Variants in GALNT18 observed in about 807,000 individuals in gnomAD.
GALNT18 encodes GalNAc-transferase 18.
Under a neutral mutation model 69.5 loss-of-function variants are expected in GALNT18, and 44 were observed. That is an observed-to-expected ratio of 0.63 (90% CI 0.50 to 0.81). The LOEUF (loss-of-function observed/expected upper bound fraction) is 0.81. Among genes scored for constraint, GALNT18 ranks in the 40% least tolerant of loss-of-function variants. The probability of loss-of-function intolerance (pLI) is 0.00; values close to 1 mark genes in which losing one functional copy is unlikely to be tolerated. For missense variants in GALNT18, 715 were observed against 810.0 expected (o/e 0.88, Z 1.42); for synonymous variants, 364 against 318.2 (o/e 1.14, Z -1.53).
intron 7 of GALNT18, among the ~76,000 whole-genome samples, chr11:11,334,306 GCC>G: frequency 6.6e-6 from 1 of 152,156 alleles, no homozygotes; most frequent in Non-Finnish European, 1.5e-5. Context: ...ACTTTGGGAG[GCC>G]AAGTCAGGCG....
chr11:11,364,596 A>G (rs964360668), intron 6 of GALNT18, among the ~76,000 whole-genome samples: 7 of 152,236 alleles, frequency 4.6e-5, no homozygotes. Flanking sequence ...TAGATTATGG[A>G]GACTGGAAAG....
intron 10 of GALNT18, among the ~76,000 whole-genome samples, chr11:11,273,374 T>A (rs1438235268): frequency 6.6e-6 from 1 of 151,996 alleles, no homozygotes; most frequent in Non-Finnish European, 1.5e-5. Context: ...AAAATCCAAT[T>A]AAAAAATGGG....
Position 11,444,309 on chromosome 11 carries a change from T to C in GALNT18, c.428+4435A>G, listed in dbSNP as rs1855598172. On this transcript the variant is annotated intron_variant, in intron 2 of 10. Transcript: ENST00000227756. This position sits in a 1 kb window ranked among gnomAD's most constrained non-coding sequence, Gnocchi z 4.4. ...CAGAGGGACAGTGCTTCTGTGACCA[T>C]CACATCCAGGCCACTGCCTTACTAA... is the stretch of plus-strand genomic sequence containing the variant. Among the ~76,000 whole-genome samples the C allele has an allele frequency of 6.6e-6, 1 of 152,056 alleles. No individual in the cohort carries two copies. The highest frequency in any genetic ancestry group is 6.5e-5 in the Admixed American group (1 of 15,286).
rs942648467 is a variant in GALNT18 at position 11,595,533 on chromosome 11, A to G, written c.235+25826T>C. Among the ~76,000 whole-genome samples, 2 of 152,192 alleles carry G rather than the reference A, an allele frequency of 1.3e-5. No homozygotes were observed. Among genetic ancestry groups the G allele is most frequent in the Non-Finnish European group, 2.9e-5 (2 of 68,026 alleles). ...TAAGACACATTCTCTTCAATAGTGT[A>G]TGAGGATTCCAACTTCTCCACATCC... On this transcript the variant is annotated intron_variant, in intron 1 of 10. Coordinates refer to ENST00000227756, the MANE Select transcript of GALNT18 (RefSeq NM_198516.3). This position sits in a 1 kb window ranked among gnomAD's most constrained non-coding sequence, Gnocchi z 5.2.
intron 1 of GALNT18, among the ~76,000 whole-genome samples, chr11:11,531,563 C>T (rs1277819729): frequency 2.0e-5 from 3 of 152,232 alleles, no homozygotes; most frequent in Non-Finnish European, 2.9e-5. Flanking sequence ...CAAGGGAAGC[C>T]ATCCATAGGG....
intron 1 of GALNT18, among the ~76,000 whole-genome samples, chr11:11,467,398 G>A (rs557192553): frequency 1.3e-5 from 2 of 152,372 alleles, no homozygotes; most frequent in East Asian, 3.9e-4. Flanking sequence ...AGAGCCAGAT[G>A]AGAGAGGTGA....
chr11:11,505,568 A>G lies in GALNT18; in HGVS notation c.236-56632T>C, dbSNP rs1475796094. Among the ~76,000 whole-genome samples the G allele has an allele frequency of 6.6e-6, 1 of 152,136 alleles. No homozygotes were observed. The highest frequency in any genetic ancestry group is 6.5e-5 in the Admixed American group (1 of 15,270). On this transcript the variant is annotated intron_variant, in intron 1 of 10. Transcript: ENST00000227756. The surrounding 1 kb of genome is among the most constrained non-coding windows in gnomAD (Gnocchi z 4.6). ...TGCATATTACAGCTTCCATTGCCTT[A>G]CCACCTCCTCCCCCATCAATGCCAC...
intron 1 of GALNT18, among the ~76,000 whole-genome samples, chr11:11,457,734 T>G (rs1210237481): frequency 6.6e-6 from 1 of 151,684 alleles, no homozygotes; most frequent in African/African-American, 2.4e-5. Flanking sequence ...AGGAAACCAC[T>G]GGAGCCTTCT....
rs1857058476 is a variant in GALNT18, at chr11:11,505,808, T to C, written c.236-56872A>G. Among the ~76,000 whole-genome samples the C allele has an allele frequency of 6.6e-6, 1 of 152,220 alleles. No individual in the cohort carries two copies. The highest frequency in any genetic ancestry group is 2.1e-4 in the South Asian group (1 of 4,822). On this transcript the variant is annotated intron_variant, in intron 1 of 10. Coordinates refer to ENST00000227756, the MANE Select transcript of GALNT18 (RefSeq NM_198516.3). The surrounding 1 kb of genome is among the most constrained non-coding windows in gnomAD (Gnocchi z 4.6). Reference sequence around the variant, plus strand: ...AGTTCTGTCTATGCTTTCTTCCCACTGTTTCACATCTGGACCCTTTCCACA... The same window carrying C: ...AGTTCTGTCTATGCTTTCTTCCCACCGTTTCACATCTGGACCCTTTCCACA...
chr11:11,292,345 C>A (rs1849316384), intron 10 of GALNT18, among the ~76,000 whole-genome samples: 1 of 152,092 alleles, frequency 6.6e-6, no homozygotes, highest in Admixed American at 6.5e-5. Context: ...GCATCTAGAT[C>A]CTTGGCAACA....
At chr11:11,425,479 T>G (rs1036913471) in intron 3 of GALNT18, among the ~76,000 whole-genome samples, 1 of 152,256 alleles carries the variant, frequency 6.6e-6, no homozygotes, top group Non-Finnish European at 1.5e-5. Flanking sequence ...TACCATTGCT[T>G]TGATGTGCTT....
chr11:11,454,035 C>A lies in GALNT18; in HGVS notation c.236-5099G>T, dbSNP rs1043287288. Among the ~76,000 whole-genome samples, 3 of 152,142 alleles carry A rather than the reference C, an allele frequency of 2.0e-5. No individual in the cohort carries two copies. The highest frequency in any genetic ancestry group is 2.9e-5 in the Non-Finnish European group (2 of 68,016). On this transcript the variant is annotated intron_variant, in intron 1 of 10. Transcript: ENST00000227756. This position sits in a 1 kb window ranked among gnomAD's most constrained non-coding sequence, Gnocchi z 4.2. ...CATCTGGCGCCTAGTAGGTGCTTAA[C>A]CAATACCAGTAAAATGAACGAATAG...
At chr11:11,345,010 C>T (rs548761046) in intron 6 of GALNT18, among the ~76,000 whole-genome samples, 2 of 152,266 alleles carry the variant, frequency 1.3e-5, no homozygotes, top group African/African-American at 2.4e-5. Flanking sequence ...ATAATTATTA[C>T]GTTGCTGCTA....
At chr11:11,319,899 A>G (rs1203940768) in intron 9 of GALNT18, among the ~76,000 whole-genome samples, 1 of 152,238 alleles carries the variant, frequency 6.6e-6, no homozygotes, top group Non-Finnish European at 1.5e-5. Flanking sequence ...ATAATAGCCA[A>G]CATTTAGTAA....
chr11:11,484,074 A>G (rs1245100442), intron 1 of GALNT18, among the ~76,000 whole-genome samples: 1 of 152,224 alleles, frequency 6.6e-6, no homozygotes, highest in Non-Finnish European at 1.5e-5. Context: ...CCTTGTCAAG[A>G]GCTCAGTGAG....
chr11:11,506,393 G>A (rs868120433), intron 1 of GALNT18, among the ~76,000 whole-genome samples: 1 of 152,314 alleles, frequency 6.6e-6, no homozygotes, highest in South Asian at 2.1e-4. Context: ...AGTCAGGCAA[G>A]GATGTCAAAT....
intron 9 of GALNT18, among the ~76,000 whole-genome samples, chr11:11,323,273 C>G (rs978467703): frequency 1.3e-5 from 2 of 152,176 alleles, no homozygotes; most frequent in African/African-American, 4.8e-5. Flanking sequence ...ACAATTCATC[C>G]CAAGGCAAAA....
rs146998255 is a variant in GALNT18, at chr11:11,480,880, C to A, written c.236-31944G>T. Among the ~76,000 whole-genome samples the A allele has an allele frequency of 1.7e-3, 258 of 152,276 alleles. No individual in the cohort carries two copies. The highest frequency in any genetic ancestry group is 3.4e-3 in the Middle Eastern group (1 of 294). ...GGGGAAAATGATTCCTGACTCAGGA[C>A]TTCTCAGGCCTTTCTTGGGAACCTC... is the stretch of plus-strand genomic sequence containing the variant. On this transcript the variant is annotated intron_variant, in intron 1 of 10. Coordinates refer to ENST00000227756, the MANE Select transcript of GALNT18 (RefSeq NM_198516.3). The surrounding 1 kb of genome is among the most constrained non-coding windows in gnomAD (Gnocchi z 4.6).
rs978086499 is a variant in GALNT18 at position 11,563,233 on chromosome 11, T to C, written c.235+58126A>G. On this transcript the variant is annotated intron_variant, in intron 1 of 10. Transcript: ENST00000227756. This position sits in a 1 kb window ranked among gnomAD's most constrained non-coding sequence, Gnocchi z 4.6. ...ATAATGTGGCTGTTCACCTTGCACC[T>C]CCCCGGATCAAGAGACTTGGCTCTT... 6.6e-6 allele frequency among the ~76,000 whole-genome samples: 1 copy of C among 152,132 alleles called. No homozygotes were observed. Among genetic ancestry groups the C allele is most frequent in the African/African-American group, 2.4e-5 (1 of 41,406 alleles).
Sources: gnomAD v4.1 joint callset for allele counts (sites outside exome capture counted in the v4.1 genomes callset) on GRCh38, gnomAD v4.1.1 for gene constraint, Gnocchi (gnomAD v3.1) non-coding constraint, MANE v1.5 for transcripts, NCBI Gene and HGNC (gene_info 2026-07-23, HGNC 2026-07-21) for gene names.